SOBP: variants seen among roughly 807,000 people sequenced by gnomAD.
The protein encoded by SOBP is sine oculis binding protein homolog, also known as sine oculis-binding protein homolog.
A neutral mutation model predicts 53.6 loss-of-function variants in SOBP; 4 were observed. The observed-to-expected ratio is 0.07, with a 90% CI of 0.04 to 0.17. SOBP has a LOEUF of 0.17. Ranked by LOEUF, SOBP falls within the 10% of genes least tolerant of loss-of-function variation. SOBP has a pLI of 1.00. For synonymous variants in SOBP, 584 were observed against 522.6 expected, an observed-to-expected ratio of 1.12 and a Z score of -1.60; for missense variants, 1,088 against 1,204.7, an observed-to-expected ratio of 0.90 and a Z score of 1.43.
chr6:107,625,993 T>G (rs1770443310), intron 5 of SOBP, among the ~76,000 whole-genome samples: 1 of 152,160 alleles, frequency 6.6e-6, no homozygotes, highest in African/African-American at 2.4e-5. Flanking sequence ...CTTAAACTCT[T>G]ATAGTCACAA....
intron 5 of SOBP, among the ~76,000 whole-genome samples, chr6:107,626,714 C>T (rs115178214): frequency 1.0e-3 from 156 of 152,234 alleles, no homozygotes; most frequent in Non-Finnish European, 1.6e-3. Context: ...GGGCATGGGA[C>T]GGCCTGGCAA....
intron 4 of SOBP, among the ~76,000 whole-genome samples, chr6:107,546,688 A>G (rs889875148): frequency 6.6e-6 from 1 of 152,258 alleles, no homozygotes; most frequent in African/African-American, 2.4e-5. Context: ...CAGGGTCACT[A>G]TTTGAGGAGG....
At chr6:107,590,799 A>G (rs2115064669) in intron 5 of SOBP, among the ~76,000 whole-genome samples, 1 of 152,246 alleles carries the variant, frequency 6.6e-6, no homozygotes, top group African/African-American at 2.4e-5. Context: ...TTTCCATTTC[A>G]TTTCCTCGTG....
At chr6:107,639,579 CA>C (rs1449008270) in intron 6 of SOBP, among the ~76,000 whole-genome samples, 1 of 152,150 alleles carries the variant, frequency 6.6e-6, no homozygotes, top group Non-Finnish European at 1.5e-5. Context: ...ATAAGGAAAA[CA>C]ATGTATAAAC....
intron 5 of SOBP, among the ~76,000 whole-genome samples, chr6:107,624,043 G>C (rs78979083): frequency 0.027 from 4,157 of 152,274 alleles, 192 homozygotes; most frequent in African/African-American, 0.094. Flanking sequence ...GGAATATAAC[G>C]AAGAGTCAAT....
At chr6:107,617,669 C>A (rs564752101) in intron 5 of SOBP, among the ~76,000 whole-genome samples, 142 of 152,216 alleles carry the variant, frequency 9.3e-4, no homozygotes, top group African/African-American at 3.4e-3. Context: ...ACTCATCTCT[C>A]ACATCTCACT....
intron 4 of SOBP, among the ~76,000 whole-genome samples, chr6:107,554,777 T>C (rs183179701): frequency 1.3e-5 from 2 of 152,198 alleles, no homozygotes; most frequent in Non-Finnish European, 2.9e-5. Context: ...CATGCCACCA[T>C]CCCAATAGAC....
intron 1 of SOBP, among the ~76,000 whole-genome samples, chr6:107,496,344 A>T (rs931236339): frequency 2.0e-5 from 3 of 152,214 alleles, no homozygotes; most frequent in Non-Finnish European, 2.9e-5. Context: ...CCTTTTTAGG[A>T]CATTTGATGT....
intron 5 of SOBP, among the ~76,000 whole-genome samples, chr6:107,624,052 A>G (rs1474162636): frequency 6.6e-6 from 1 of 152,260 alleles, no homozygotes; most frequent in Non-Finnish European, 1.5e-5. Context: ...CGAAGAGTCA[A>G]TAAATGTTTG....
At chr6:107,496,994 A>C (rs1782718305) in intron 1 of SOBP, among the ~76,000 whole-genome samples, 3 of 152,316 alleles carry the variant, frequency 2.0e-5, no homozygotes, top group Admixed American at 2.0e-4. Flanking sequence ...TAGAGCTAGA[A>C]ACTGACTTCT....
intron 3 of SOBP, among the ~76,000 whole-genome samples, chr6:107,512,817 A>T (rs1380560038): frequency 1.3e-5 from 2 of 152,156 alleles, no homozygotes; most frequent in Non-Finnish European, 2.9e-5. Context: ...TTCTAGTGAG[A>T]GCTTTCCTGC....
At chr6:107,633,492 G>GT (rs1770809555) in intron 5 of SOBP, 22 bp from the exon 6 acceptor site, 5 of 1,614,066 alleles carry the variant, frequency 3.1e-6, no homozygotes, top group South Asian at 2.2e-5. Flanking sequence ...ACCTGTTGTG[G>GT]TTTTTTATTA....
chr6:107,630,753 TCTC>T, intron 5 of SOBP, among the ~76,000 whole-genome samples: 1 of 7,454 alleles, frequency 1.3e-4, no homozygotes, highest in East Asian at 1.9e-3. Context: ...ACACTCTGTC[TCTC>T]TCTCTCTCTC....
intron 5 of SOBP, among the ~76,000 whole-genome samples, chr6:107,632,676 A>G (rs1218429711): frequency 6.6e-6 from 1 of 152,216 alleles, no homozygotes; most frequent in Non-Finnish European, 1.5e-5. Flanking sequence ...CCAATTGGGA[A>G]AAGCTCTCAG....
At chr6:107,621,449 G>GT (rs1310535598) in intron 5 of SOBP, among the ~76,000 whole-genome samples, 11 of 152,144 alleles carry the variant, frequency 7.2e-5, no homozygotes, top group Admixed American at 2.0e-4. Context: ...CAGGAAATAA[G>GT]CTTTTCAGAG....
intron 4 of SOBP, among the ~76,000 whole-genome samples, chr6:107,539,361 G>A (rs59454442): frequency 0.023 from 3,487 of 152,258 alleles, 161 homozygotes; most frequent in African/African-American, 0.08. Context: ...TTCAGTGAGC[G>A]GAAGGAAGAG....
chr6:107,593,170 A>C (rs530070400), intron 5 of SOBP, among the ~76,000 whole-genome samples: 1 of 152,284 alleles, frequency 6.6e-6, no homozygotes, highest in Admixed American at 6.5e-5. Flanking sequence ...TCTTGACCAC[A>C]GTTGACCATC....
intron 4 of SOBP, among the ~76,000 whole-genome samples, chr6:107,558,448 T>C (rs1420393668): frequency 6.6e-6 from 1 of 151,958 alleles, no homozygotes; most frequent in East Asian, 1.9e-4. Flanking sequence ...TTTTTATTTT[T>C]AGTAGAGACG....
At chr6:107,585,707 A>T (rs1329222215) in intron 4 of SOBP, among the ~76,000 whole-genome samples, 1 of 152,202 alleles carries the variant, frequency 6.6e-6, no homozygotes, top group African/African-American at 2.4e-5. Flanking sequence ...TAACCTAAAT[A>T]TTACTGACCA....
Sources: allele counts gnomAD v4.1 joint callset (sites outside exome capture counted in the v4.1 genomes callset), GRCh38; gene constraint gnomAD v4.1.1; transcripts MANE v1.5; gene names NCBI Gene and HGNC (gene_info 2026-07-23, HGNC 2026-07-21).